PHKA1: variants seen among roughly 807,000 people sequenced by gnomAD.
PHKA1 encodes the protein phosphorylase b kinase regulatory subunit alpha, skeletal muscle isoform.
PHKA1 carries 60 observed loss-of-function variants against 110.2 expected under a neutral mutation model. The ratio of observed to expected loss-of-function variants is 0.54; its 90% CI spans 0.44 to 0.68. The LOEUF is 0.68. Ranked by LOEUF, PHKA1 falls within the 30% of genes least tolerant of loss-of-function variation. The probability of loss-of-function intolerance (pLI) is 0.00; values close to 1 mark genes in which losing one functional copy is unlikely to be tolerated. For missense variants in PHKA1, 801 were observed against 942.5 expected (o/e 0.85, Z 1.97); for synonymous variants, 316 against 333.6 (o/e 0.95, Z 0.58).
At chrX:72,584,945 C>T (rs2052397682) in intron 29 of PHKA1, among the ~76,000 whole-genome samples, 1 of 88,952 alleles carries the variant, frequency 1.1e-5, no homozygotes, top group Non-Finnish European at 2.1e-5. Flanking sequence ...TGTTCCCCAT[C>T]CTGTGTCCAA....
At chrX:72,681,306 A>G (rs1357082985) in intron 5 of PHKA1, among the ~76,000 whole-genome samples, 363 of 103,598 alleles carry the variant, frequency 3.5e-3, no homozygotes, top group Non-Finnish European at 5.5e-3. Context: ...CCCGTCTGAG[A>G]AGTGAGGAGC....
chrX:72,637,152 T>C (rs2053239653), intron 14 of PHKA1, among the ~76,000 whole-genome samples: 1 of 112,204 alleles, frequency 8.9e-6, no homozygotes, highest in African/African-American at 3.2e-5. Context: ...CCACCAACTA[T>C]CTCCAAAACT....
chrX:72,588,689 A>T (rs2052471486), intron 29 of PHKA1, among the ~76,000 whole-genome samples: 1 of 111,721 alleles, frequency 9.0e-6, no homozygotes, highest in East Asian at 2.8e-4. Flanking sequence ...AGCTACACTA[A>T]CAAAGAAGAA....
At chrX:72,645,041 G>A (rs782122979) in intron 13 of PHKA1, among the ~76,000 whole-genome samples, 1 of 111,623 alleles carries the variant, frequency 9.0e-6, no homozygotes, top group East Asian at 2.9e-4. Context: ...AGCGGGTGCT[G>A]GGGAGAGATG....
intron 29 of PHKA1, among the ~76,000 whole-genome samples, chrX:72,587,168 A>G (rs1432947197): frequency 9.0e-6 from 1 of 111,148 alleles, no homozygotes; most frequent in East Asian, 2.8e-4. Context: ...AAAAAATATT[A>G]AGGGCAGCCA....
At chrX:72,635,049 G>T (rs1206289236) in intron 16 of PHKA1, 106 bp downstream of exon 16, 2 of 1,009,272 alleles carry the variant, frequency 2.0e-6, no homozygotes, top group Admixed American at 2.3e-5. Flanking sequence ...ACTGCTGAAA[G>T]AATAAATTAT....
intron 9 of PHKA1, among the ~76,000 whole-genome samples, chrX:72,657,032 C>T (rs1556301770): frequency 8.9e-6 from 1 of 111,915 alleles, no homozygotes; most frequent in Non-Finnish European, 1.9e-5. Context: ...ACAATGTTTC[C>T]ATTACCAGTG....
rs1330272309 is a variant in PHKA1 at position 72,714,117 on chromosome X, T to G, written c.-237A>C. On this transcript the variant is annotated 5_prime_UTR_variant, in exon 1 of 32. Transcript: ENST00000373542. ...GCGCTAGCACTGGCTTCCCGCGGTCTAGAGCCCCGCCGCAGCGCCCCAGGC... is the reference window on the plus strand; with the variant it reads ...GCGCTAGCACTGGCTTCCCGCGGTCGAGAGCCCCGCCGCAGCGCCCCAGGC... 4.9e-6 allele frequency: 2 copies of G among 409,832 alleles called. No homozygotes were observed. The highest frequency in any genetic ancestry group is 5.0e-5 in the African/African-American group (2 of 39,993). The allele number at this position is 409,832 out of a possible 1,213,427, so 33.8% of individuals were successfully genotyped here.
intron 3 of PHKA1, among the ~76,000 whole-genome samples, chrX:72,704,006 T>C (rs1185185816): frequency 8.9e-6 from 1 of 112,168 alleles, no homozygotes; most frequent in Non-Finnish European, 1.9e-5. Context: ...AAATAAATGA[T>C]AGACTGCTAA....
intron 15 of PHKA1, among the ~76,000 whole-genome samples, chrX:72,635,932 T>C (rs1226335503): frequency 8.9e-6 from 1 of 111,857 alleles, no homozygotes; most frequent in East Asian, 2.8e-4. Context: ...GAAAACATAA[T>C]TTAGTAGCTG....
intron 8 of PHKA1, 109 bp from the exon 9 acceptor site, chrX:72,657,750 T>A (rs1208109104): frequency 3.3e-6 from 2 of 604,664 alleles, no homozygotes; most frequent in African/African-American, 4.6e-5. Context: ...CTATCACCGA[T>A]AAAGGCATAA....
intron 29 of PHKA1, among the ~76,000 whole-genome samples, chrX:72,591,186 G>T (rs1205633558): frequency 2.7e-5 from 3 of 112,074 alleles, no homozygotes; most frequent in Non-Finnish European, 3.8e-5. Flanking sequence ...TGATAGACTG[G>T]ATTAAGAAAA....
Position 72,705,178 on chromosome X carries a change from A to C in PHKA1, c.285+20T>G. The stretch of plus-strand genomic sequence containing the variant: ...TACAATGTGCTTTTATTAGAGAGGA[A>C]GGTGTTATCAATACCATACCTGTCT... On this transcript the variant is annotated intron_variant, in intron 3 of 31. Coordinates refer to ENST00000373542, the MANE Select transcript of PHKA1 (RefSeq NM_002637.4). The C allele has an allele frequency of 2.7e-6, 3 of 1,100,821 alleles. No homozygotes were observed. The highest frequency in any genetic ancestry group is 3.8e-6 in the Non-Finnish European group (3 of 797,771). 90.7% of individuals were successfully genotyped at this position (1,100,821 alleles called of 1,213,427 possible). A position where few individuals can be genotyped will look rare whatever the true frequency, so the allele number is the denominator to read the frequency against.
intron 13 of PHKA1, among the ~76,000 whole-genome samples, chrX:72,648,321 G>A (rs927025691): frequency 9.0e-5 from 10 of 111,547 alleles, no homozygotes; most frequent in Non-Finnish European, 1.7e-4. Context: ...GCAAGGATAG[G>A]TAAGACTGTA....
At chrX:72,639,271 C>T (rs374947031) in intron 14 of PHKA1, among the ~76,000 whole-genome samples, 23 of 111,910 alleles carry the variant, frequency 2.1e-4, no homozygotes, top group South Asian at 1.1e-3. Flanking sequence ...CAGTGGTTCA[C>T]GCCTGTAATT....
intron 1 of PHKA1, among the ~76,000 whole-genome samples, chrX:72,713,333 C>T (rs1300407958): frequency 4.5e-5 from 5 of 110,951 alleles, no homozygotes; most frequent in Admixed American, 2.9e-4. Context: ...CTACAGTCAC[C>T]ATGCTGCTGT....
rs150838093 is a variant in PHKA1, at chrX:72,581,879, T to A, written c.3498+519A>T. Among the ~76,000 whole-genome samples, 361 of 112,376 alleles carry A rather than the reference T, an allele frequency of 3.2e-3. 1 individual carries two copies. The highest frequency in any genetic ancestry group is 0.011 in the African/African-American group (348 of 30,982). ...GCAACATTTGGGACACTTTCAATAGTTTGTATTTTTGAATGTGGATAATTT... is the reference window on the plus strand; with the variant it reads ...GCAACATTTGGGACACTTTCAATAGATTGTATTTTTGAATGTGGATAATTT... On this transcript the variant is annotated intron_variant, in intron 31 of 31. Transcript: ENST00000373542.
chrX:72,703,984 A>G (rs1436645943), intron 3 of PHKA1, among the ~76,000 whole-genome samples: 3 of 112,159 alleles, frequency 2.7e-5, no homozygotes, highest in African/African-American at 9.7e-5. Flanking sequence ...AAATATCACA[A>G]ACAAGCCTCA....
intron 4 of PHKA1, among the ~76,000 whole-genome samples, chrX:72,692,374 G>C (rs1049761068): frequency 8.9e-6 from 1 of 111,802 alleles, no homozygotes; most frequent in Non-Finnish European, 1.9e-5. Flanking sequence ...GAGGTTGCAA[G>C]TGTCACCTCT....
Sources: allele counts gnomAD v4.1 joint callset (sites outside exome capture counted in the v4.1 genomes callset), GRCh38; gene constraint gnomAD v4.1.1; transcripts MANE v1.5; gene names NCBI Gene and HGNC (gene_info 2026-07-23, HGNC 2026-07-21).